ZNF705A: variants seen among roughly 807,000 people sequenced by gnomAD.
ZNF705A encodes zinc finger protein 705A.
Under a neutral mutation model 16.6 loss-of-function variants are expected in ZNF705A, and 8 were observed. The ratio of observed to expected loss-of-function variants is 0.48; its 90% CI spans 0.28 to 0.87. The LOEUF (loss-of-function observed/expected upper bound fraction) is 0.87, where lower values mean the gene tolerates loss of function less well. Among genes scored for constraint, ZNF705A ranks in the 40% least tolerant of loss-of-function variants. The pLI, the probability that ZNF705A is intolerant of heterozygous loss-of-function variation, is 0.10. For missense variants in ZNF705A, 233 were observed against 359.9 expected, an observed-to-expected ratio of 0.65 and a Z score of 2.85; for synonymous variants, 73 against 117.3, an observed-to-expected ratio of 0.62 and a Z score of 2.44.
exon 5 of ZNF705A, chr12:8,177,731 T>A: frequency 1.6e-6 from 2 of 1,273,762 alleles, no homozygotes; most frequent in Non-Finnish European, 2.1e-6. Flanking sequence ...TGACTTTAGA[T>A]GACACTGTGT....
upstream of ZNF705A, among the ~76,000 whole-genome samples, chr12:8,170,518 G>A (rs1017503308): frequency 2.0e-5 from 3 of 146,894 alleles, no homozygotes; most frequent in South Asian, 2.2e-4. Context: ...TTTGTCCCTG[G>A]CACAGTCTGT....
At chr12:8,160,023 G>T (rs1948341005) in intron 1 of ZNF705A, among the ~76,000 whole-genome samples, 1 of 152,132 alleles carries the variant, frequency 6.6e-6, no homozygotes, top group Non-Finnish European at 1.5e-5. Context: ...TGGGGATCTA[G>T]TTTCATTCTC....
exon 5 of ZNF705A, chr12:8,179,679 T>A (rs1948516576): frequency 6.6e-6 from 1 of 152,214 alleles, no homozygotes; most frequent in African/African-American, 2.4e-5. Flanking sequence ...AGTGTGAGGA[T>A]AATGAGCAAG....
chr12:8,158,138 G>A (rs1948325103), intron 1 of ZNF705A, among the ~76,000 whole-genome samples: 1 of 152,078 alleles, frequency 6.6e-6, no homozygotes, highest in South Asian at 2.1e-4. Context: ...TCAAAGAAAG[G>A]GAGTAGGATG....
intron 1 of ZNF705A, among the ~76,000 whole-genome samples, chr12:8,165,623 C>T (rs983501857): frequency 1.3e-5 from 2 of 151,964 alleles, no homozygotes; most frequent in African/African-American, 4.8e-5. Flanking sequence ...TCTTGTAACC[C>T]AGATAGAAAA....
chr12:8,164,201 G>A (rs1948380091), intron 1 of ZNF705A, among the ~76,000 whole-genome samples: 1 of 152,144 alleles, frequency 6.6e-6, no homozygotes, highest in Non-Finnish European at 1.5e-5. Flanking sequence ...TACTTACGTG[G>A]TATATCTGAA....
At chr12:8,177,149 T>G in exon 5 of ZNF705A, 1 of 1,611,994 alleles carries the variant, frequency 6.2e-7, no homozygotes, top group Non-Finnish European at 8.5e-7. Flanking sequence ...TCGTAATCTT[T>G]TCTCCCCTAA....
exon 5 of ZNF705A, chr12:8,177,658 T>G: frequency 6.3e-7 from 1 of 1,578,410 alleles, no homozygotes; most frequent in Non-Finnish European, 8.6e-7. Flanking sequence ...AATGTACTAG[T>G]CTTAAATAGC....
chr12:8,175,860 A>G, exon 4 of ZNF705A: 1 of 1,611,484 alleles, frequency 6.2e-7, no homozygotes, highest in South Asian at 1.1e-5. Context: ...ATTATTTCAG[A>G]CAGGGAAAGT....
At chr12:8,169,705 C>T (rs142023948), upstream of ZNF705A, among the ~76,000 whole-genome samples, 179 of 152,354 alleles carry the variant, frequency 1.2e-3, no homozygotes, top group African/African-American at 3.5e-3. Flanking sequence ...TACTGAAGAT[C>T]TGTTGGAGAA....
At chr12:8,173,746 C>T (rs1948463333) in intron 1 of ZNF705A, among the ~76,000 whole-genome samples, 1 of 152,186 alleles carries the variant, frequency 6.6e-6, no homozygotes, top group Admixed American at 6.5e-5. Flanking sequence ...TGGTTCATTA[C>T]TTTCTAACTT....
At chr12:8,178,158 A>G (rs1948501550) in exon 5 of ZNF705A, 1 of 158,470 alleles carries the variant, frequency 6.3e-6, no homozygotes, top group African/African-American at 2.4e-5. Context: ...GTGAATAAAC[A>G]TTCAGCCAAG....
At chr12:8,161,045 G>C (rs1948350722) in intron 1 of ZNF705A, among the ~76,000 whole-genome samples, 4 of 152,098 alleles carry the variant, frequency 2.6e-5, no homozygotes, top group African/African-American at 9.7e-5. Flanking sequence ...ATCGATGCTG[G>C]ATTTTGTCAA....
chr12:8,175,520 C>G (rs989807657), intron 3 of ZNF705A, among the ~76,000 whole-genome samples, 197 bp downstream of exon 4: 1 of 152,040 alleles, frequency 6.6e-6, no homozygotes, highest in East Asian at 1.9e-4. Context: ...TCTTTTTTTA[C>G]TTTTCTTTCA....
exon 5 of ZNF705A, chr12:8,179,327 C>T (rs1221926968): frequency 6.6e-6 from 1 of 152,140 alleles, no homozygotes; most frequent in Non-Finnish European, 1.5e-5. Context: ...ATAAAACAGC[C>T]GAACCTGTCA....
At chr12:8,159,589 GTTGGCCAT>G (rs1413224545) in intron 1 of ZNF705A, among the ~76,000 whole-genome samples, 23 of 151,972 alleles carry the variant, frequency 1.5e-4, no homozygotes, top group Non-Finnish European at 2.4e-4. Flanking sequence ...TGATATGTTT[GTTGGCCAT>G]TTGTATATCT....
exon 5 of ZNF705A, chr12:8,177,189 A>G (rs1233903471): frequency 1.2e-6 from 2 of 1,612,006 alleles, no homozygotes; most frequent in African/African-American, 2.7e-5. Context: ...ACTAAAGGTA[A>G]ATCATATCAA....
upstream of ZNF705A, among the ~76,000 whole-genome samples, chr12:8,167,955 C>T (rs959658601): frequency 5.3e-5 from 8 of 152,194 alleles, no homozygotes; most frequent in Non-Finnish European, 1.0e-4. Context: ...CTTGATCCTG[C>T]GATGGGTTTG....
upstream of ZNF705A, among the ~76,000 whole-genome samples, chr12:8,170,194 C>CA (rs1948434512): frequency 7.9e-6 from 1 of 126,108 alleles, no homozygotes; most frequent in Non-Finnish European, 1.5e-5. Flanking sequence ...TCCCCCCCCC[C>CA]CCAAAAAAAA....
Sources: allele counts gnomAD v4.1 joint callset (sites outside exome capture counted in the v4.1 genomes callset), GRCh38; gene constraint gnomAD v4.1.1; transcripts MANE v1.5; gene names NCBI Gene and HGNC (gene_info 2026-07-23, HGNC 2026-07-21).